Variants in TP63 observed in about 807,000 individuals in gnomAD.
TP63 encodes tumor protein 63.
In TP63, 17 loss-of-function variants were observed where a neutral mutation model predicts 82.8. That is an observed-to-expected ratio of 0.21 (90% CI 0.14 to 0.31). The LOEUF (loss-of-function observed/expected upper bound fraction) is 0.31. TP63 is among the 10% of genes least tolerant of loss of function. TP63 has a pLI of 1.00. For synonymous variants in TP63, 330 were observed against 321.7 expected (o/e 1.03, Z -0.28); for missense variants, 648 against 895.3 (o/e 0.72, Z 3.52).
intron 1 of TP63, among the ~76,000 whole-genome samples, chr3:189,672,646 GAGGGAGGAAGGAAGGAAAGA>G (rs1352345966): frequency 2.0e-5 from 2 of 102,048 alleles, no homozygotes; most frequent in Admixed American, 2.6e-4. Flanking sequence ...GGGAGGGAGG[GAGGGAGGAAGGAAGGAAAGA>G]AGGAAGGAAG....
At chr3:189,764,787 A>G (rs951501222) in intron 3 of TP63, among the ~76,000 whole-genome samples, 1 of 152,224 alleles carries the variant, frequency 6.6e-6, no homozygotes, top group South Asian at 2.1e-4. Context: ...AGAGGTAGAA[A>G]GAGCCCAGGT....
Position 189,721,696 on chromosome 3 carries a change from G to A in TP63, c.63-16044G>A, listed in dbSNP as rs193135247. ...CATGCCCAGACTTACCTCCCTGGGC[G>A]TAAGGAGTATCCAGCTGCCCAGGTG... On this transcript the variant is annotated intron_variant, in intron 1 of 13. Transcript: ENST00000264731. 3.0e-4 allele frequency among the ~76,000 whole-genome samples: 45 copies of A among 152,276 alleles called. No homozygotes were observed. The East Asian group carries it at 3.3e-3, about 11-fold the overall frequency.
chr3:189,759,944 G>T (rs1722447962), intron 3 of TP63, among the ~76,000 whole-genome samples: 1 of 152,326 alleles, frequency 6.6e-6, no homozygotes, highest in East Asian at 1.9e-4. Context: ...GTGGATGGCA[G>T]CAGGCAAAGA....
Position 189,808,304 on chromosome 3 carries a change from C to A in TP63, c.357C>A (p.Ser119Arg), listed in dbSNP as rs2108637187. 2 of 1,614,174 alleles carry A rather than the reference C, an allele frequency of 1.2e-6. No homozygotes were observed. Among genetic ancestry groups the A allele is most frequent in the Non-Finnish European group, 1.7e-6 (2 of 1,180,044 alleles). ...ACACGAACCTGGGGCTCCTGAACAGCATGGACCAGCAGATTCAGAACGGCT... is the reference window on the plus strand; with the variant it reads ...ACACGAACCTGGGGCTCCTGAACAGAATGGACCAGCAGATTCAGAACGGCT... Reference protein sequence around the residue: ...PQYTNLGLLNSMDQQIQNGSS... With the variant: ...PQYTNLGLLNRMDQQIQNGSS... The change falls in exon 4 of 14, where the codon AGC becomes AGA. Residue 119 changes from serine (S) to arginine (R), a missense_variant. By Grantham distance (110) the Ser-to-Arg change is moderately radical. Coordinates refer to ENST00000264731, the MANE Select transcript of TP63 (RefSeq NM_003722.5).
intron 1 of TP63, among the ~76,000 whole-genome samples, chr3:189,680,974 G>A (rs539283129): frequency 6.6e-6 from 1 of 152,172 alleles, no homozygotes; most frequent in Admixed American, 6.5e-5. Context: ...CCTGGTGTTT[G>A]GGTCCACAGT....
Position 189,843,796 on chromosome 3 carries a change from A to G in TP63, c.580-20436A>G, listed in dbSNP as rs1215241546. On this transcript the variant is annotated intron_variant, in intron 4 of 13. Transcript: ENST00000264731. ...GAGGAGAAATAATTTGCCCAAGATG[A>G]TGCAGTAAGTCAGTGGGCAGGTAGA... Among the ~76,000 whole-genome samples the G allele has an allele frequency of 2.0e-5, 3 of 152,228 alleles. No individual in the cohort carries two copies. In the South Asian group the frequency reaches 6.2e-4, roughly 32 times the overall value.
chr3:189,617,796 C>G, the TP63 span, among the ~76,000 whole-genome samples: 1 of 152,186 alleles, frequency 6.6e-6, no homozygotes, highest in Non-Finnish European at 1.5e-5. Context: ...ATGTGGGCAT[C>G]ACTCTGGCTG....
At chr3:189,878,457 C>T (rs867147962) in intron 10 of TP63, among the ~76,000 whole-genome samples, 1 of 143,904 alleles carries the variant, frequency 6.9e-6, no homozygotes, top group Non-Finnish European at 1.5e-5. Flanking sequence ...GGCATGATCT[C>T]GGCTCACTGA....
intron 4 of TP63, among the ~76,000 whole-genome samples, chr3:189,828,249 C>CA (rs556370643): frequency 0.016 from 1,337 of 84,544 alleles, 15 homozygotes; most frequent in African/African-American, 0.045. Context: ...TCAAAACAAG[C>CA]AAAAAAAAAA....
intron 1 of TP63, among the ~76,000 whole-genome samples, chr3:189,673,459 A>G (rs115481265): frequency 6.6e-6 from 1 of 152,088 alleles, no homozygotes; most frequent in African/African-American, 2.4e-5. Context: ...TAAAGTAAAC[A>G]AAAAAACTGT....
chr3:189,701,524 T>TATATATATATATATATATATAC (rs1400590578), intron 1 of TP63, among the ~76,000 whole-genome samples: 3 of 23,504 alleles, frequency 1.3e-4, no homozygotes, highest in Non-Finnish European at 2.7e-4. Context: ...TATATATACA[T>TATATATATATATATATATATAC]ATATATATAT....
At chr3:189,683,622 A>G (rs767721930) in intron 1 of TP63, among the ~76,000 whole-genome samples, 2 of 152,292 alleles carry the variant, frequency 1.3e-5, no homozygotes, top group East Asian at 3.9e-4. Context: ...TCCATCCCCT[A>G]TCATATTTAG....
intron 4 of TP63, among the ~76,000 whole-genome samples, chr3:189,860,691 A>T (rs1376719207): frequency 3.3e-5 from 5 of 152,194 alleles, no homozygotes; most frequent in Non-Finnish European, 7.3e-5. Context: ...TCACCACTAA[A>T]ATTGGAAAAT....
At chr3:189,873,546 G>A (rs1354955642) in intron 10 of TP63, 2 of 166,754 alleles carry the variant, frequency 1.2e-5, no homozygotes, top group Non-Finnish European at 2.6e-5. Flanking sequence ...GGATAAGGTA[G>A]CATCATGTTG....
At chr3:189,619,961 G>A in the TP63 span, among the ~76,000 whole-genome samples, 8 of 152,152 alleles carry the variant, frequency 5.3e-5, no homozygotes, top group African/African-American at 1.9e-4. Context: ...GCGTCACTTT[G>A]TGTACTCAAA....
chr3:189,890,738 G>T, intron 12 of TP63, 51 bp from the exon 13 acceptor site: 1 of 1,564,198 alleles, frequency 6.4e-7, no homozygotes, highest in Middle Eastern at 1.7e-4. Context: ...TGCAGTTGGG[G>T]TGAACTTTCT....
Position 189,681,756 on chromosome 3 carries a change from A to G in TP63, c.62+50179A>G, listed in dbSNP as rs540324256. ...TATTTTCCAAAAAATAGGGTACAATATATGGATACTTCCTCAGGTTCTCTC... is the reference window on the plus strand; with the variant it reads ...TATTTTCCAAAAAATAGGGTACAATGTATGGATACTTCCTCAGGTTCTCTC... On this transcript the variant is annotated intron_variant, in intron 1 of 13. Coordinates refer to ENST00000264731, the MANE Select transcript of TP63 (RefSeq NM_003722.5). 2.0e-5 allele frequency among the ~76,000 whole-genome samples: 3 copies of G among 152,234 alleles called. No individual in the cohort carries two copies. The South Asian group carries it at 6.2e-4, about 32-fold the overall frequency.
intron 10 of TP63, among the ~76,000 whole-genome samples, chr3:189,883,837 G>A (rs934349659): frequency 1.3e-5 from 2 of 151,552 alleles, no homozygotes; most frequent in Non-Finnish European, 1.5e-5. Flanking sequence ...ATGAAAAATG[G>A]TAAATGAACT....
chr3:189,764,826 C>T (rs529004903), intron 3 of TP63, among the ~76,000 whole-genome samples: 6 of 152,222 alleles, frequency 3.9e-5, no homozygotes, highest in Non-Finnish European at 7.4e-5. Flanking sequence ...TGTACTTCGG[C>T]GGCACAGCGT....
Sources: gnomAD v4.1 joint callset for allele counts (sites outside exome capture counted in the v4.1 genomes callset) on GRCh38, gnomAD v4.1.1 for gene constraint, MANE v1.5 for transcripts, NCBI Gene and HGNC (gene_info 2026-07-23, HGNC 2026-07-21) for gene names.